Variants in JAK2 observed in about 807,000 individuals in gnomAD.
JAK2 encodes the protein tyrosine-protein kinase JAK2.
Under a neutral mutation model 139.3 loss-of-function variants are expected in JAK2, and 86 were observed. That is an observed-to-expected ratio of 0.62 (90% CI 0.52 to 0.74). The LOEUF (loss-of-function observed/expected upper bound fraction) is 0.74, where lower values mean the gene tolerates loss of function less well. Among genes scored for constraint, JAK2 ranks in the 30% least tolerant of loss-of-function variants. The pLI, the probability that JAK2 is intolerant of heterozygous loss-of-function variation, is 0.00. For missense variants in JAK2, 1,421 were observed against 1,360.3 expected (o/e 1.04, Z -0.70); for synonymous variants, 490 against 437.7 (o/e 1.12, Z -1.49).
At chr9:5,069,716 A>G (rs571844266) in intron 11 of JAK2, among the ~76,000 whole-genome samples, 30 of 152,266 alleles carry the variant, frequency 2.0e-4, no homozygotes, top group Admixed American at 1.8e-3. Context: ...TAAGGAAGTG[A>G]TTATAATTTT....
At chr9:5,032,232 G>C (rs1294878231) in intron 4 of JAK2, among the ~76,000 whole-genome samples, 3 of 152,256 alleles carry the variant, frequency 2.0e-5, no homozygotes, top group African/African-American at 4.8e-5. Context: ...GGGTTGAGTA[G>C]GTAAACAAAG....
At chr9:5,092,131 C>G (rs904579909) in intron 22 of JAK2, among the ~76,000 whole-genome samples, 1 of 152,054 alleles carries the variant, frequency 6.6e-6, no homozygotes, top group African/African-American at 2.4e-5. Context: ...AACGTTAGGT[C>G]AACGTGTAGC....
intron 23 of JAK2, among the ~76,000 whole-genome samples, chr9:5,123,639 T>C (rs189691403): frequency 6.6e-6 from 1 of 152,110 alleles, no homozygotes. Flanking sequence ...TTTGATACAG[T>C]GATTTCTTGT....
chr9:5,029,693 G>C, intron 3 of JAK2, 90 bp from the exon 4 acceptor site: 2 of 1,198,674 alleles, frequency 1.7e-6, no homozygotes. Context: ...TTTAAGAGTT[G>C]TTACTTTAGC....
chr9:5,123,651 C>T (rs1254548494), intron 23 of JAK2, among the ~76,000 whole-genome samples: 1 of 151,808 alleles, frequency 6.6e-6, no homozygotes. Context: ...ATTTCTTGTC[C>T]TTTAGGTAGA....
intron 2 of JAK2, among the ~76,000 whole-genome samples, chr9:5,010,301 T>G (rs1417381895): frequency 6.6e-6 from 1 of 152,178 alleles, no homozygotes; most frequent in Non-Finnish European, 1.5e-5. Flanking sequence ...ACACCGTTAT[T>G]ATTCATGCTT....
chr9:5,093,969 A>G (rs1048425364), intron 22 of JAK2, among the ~76,000 whole-genome samples: 6 of 152,154 alleles, frequency 3.9e-5, no homozygotes, highest in Admixed American at 3.9e-4. Flanking sequence ...CCCTCCCCCC[A>G]TAAATGATGC....
At chr9:5,050,633 A>T in intron 5 of JAK2, 53 bp from the exon 6 acceptor site, 1 of 1,522,440 alleles carries the variant, frequency 6.6e-7, no homozygotes, top group Non-Finnish European at 9.0e-7. Flanking sequence ...CATAGATTAA[A>T]ACATGATAAT....
chr9:5,067,916 G>C (rs1022388590), intron 10 of JAK2, among the ~76,000 whole-genome samples: 1 of 152,106 alleles, frequency 6.6e-6, no homozygotes, highest in African/African-American at 2.4e-5. Context: ...CACTTTAGGA[G>C]GCCAAGGCGG....
intron 22 of JAK2, among the ~76,000 whole-genome samples, chr9:5,117,702 T>C (rs960969584): frequency 7.9e-5 from 12 of 151,906 alleles, no homozygotes; most frequent in African/African-American, 2.7e-4. Context: ...TTATTAGCTT[T>C]AATATTTAAT....
intron 10 of JAK2, among the ~76,000 whole-genome samples, chr9:5,068,669 T>C (rs1818736793): frequency 6.6e-6 from 1 of 152,196 alleles, no homozygotes; most frequent in Non-Finnish European, 1.5e-5. Flanking sequence ...GAGCTGAGAT[T>C]GGAGATGGAG....
chr9:5,023,266 T>G (rs576991732), intron 3 of JAK2, among the ~76,000 whole-genome samples: 1 of 152,242 alleles, frequency 6.6e-6, no homozygotes, highest in African/African-American at 2.4e-5. Flanking sequence ...TATTTGTCTT[T>G]CAGTTCCTGG....
intron 3 of JAK2, among the ~76,000 whole-genome samples, chr9:5,024,908 C>G (rs1400710560): frequency 6.6e-6 from 1 of 152,206 alleles, no homozygotes; most frequent in Non-Finnish European, 1.5e-5. Context: ...GAGTTTCACA[C>G]TGGGAGCACC....
intron 22 of JAK2, among the ~76,000 whole-genome samples, chr9:5,105,473 A>C (rs990207893): frequency 1.3e-5 from 2 of 152,246 alleles, no homozygotes; most frequent in Non-Finnish European, 2.9e-5. Flanking sequence ...CAATATCGTG[A>C]AAATGGCGAT....
Position 5,021,943 on chromosome 9 carries a change from TTTA to T in JAK2, c.-25-17_-25-15del, listed in dbSNP as rs768247767. On this transcript the variant is annotated splice_polypyrimidine_tract_variant and intron_variant, in intron 2 of 24. Transcript: ENST00000381652. The stretch of plus-strand genomic sequence containing the variant: ...ACACTGCGCCCAGCCCATTTGTAAC[TTTA>T]TTGTTTTCTCTTACAGGCAAATGTT... 4.1e-6 allele frequency: 6 copies of T among 1,463,812 alleles called. No homozygotes were observed. The East Asian group carries it at 1.1e-4, about 28-fold the overall frequency. 90.7% of individuals were successfully genotyped at this position (1,463,812 alleles called of 1,614,324 possible).
At chr9:5,079,498 G>GA (rs1326542257) in intron 16 of JAK2, among the ~76,000 whole-genome samples, 3 of 145,918 alleles carry the variant, frequency 2.1e-5, no homozygotes, top group East Asian at 4.0e-4. Context: ...TGGTCCTTGG[G>GA]TTTTTTTTTT....
At chr9:5,042,753 C>T (rs1301522835) in intron 4 of JAK2, among the ~76,000 whole-genome samples, 3 of 152,188 alleles carry the variant, frequency 2.0e-5, no homozygotes, top group Admixed American at 1.3e-4. Context: ...GCATTGCTGC[C>T]AGGGGTGAGG....
intron 22 of JAK2, among the ~76,000 whole-genome samples, chr9:5,092,624 G>C (rs1046224594): frequency 8.5e-5 from 13 of 152,122 alleles, no homozygotes; most frequent in African/African-American, 3.1e-4. Context: ...ACTGAGCAAA[G>C]ACAAGCCCTT....
In JAK2 at chr9:5,125,964, TATTC is replaced by T. The variant is rs534408802; in HGVS notation, c.3178-361_3178-358del. Reference sequence around the variant, plus strand: ...AAGTTTTCTTTGTTGTATTTATGCTTATTCATTCATTTTTTCTTATATTCTCTTT... The same window carrying T: ...AAGTTTTCTTTGTTGTATTTATGCTTATTCATTTTTTCTTATATTCTCTTT... On this transcript the variant is annotated intron_variant, in intron 23 of 24. Coordinates refer to ENST00000381652, the MANE Select transcript of JAK2 (RefSeq NM_004972.4). 3.7e-4 allele frequency: 57 copies of T among 156,120 alleles called. 1 individual carries two copies. In the South Asian group the frequency reaches 4.3e-3, roughly 12 times the overall value. The allele number at this position is 156,120 out of a possible 1,614,324, so 9.7% of individuals were successfully genotyped here. A position where few individuals can be genotyped will look rare whatever the true frequency, so the allele number is the denominator to read the frequency against.
Sources: allele counts gnomAD v4.1 joint callset (sites outside exome capture counted in the v4.1 genomes callset), GRCh38; gene constraint gnomAD v4.1.1; transcripts MANE v1.5; gene names NCBI Gene and HGNC (gene_info 2026-07-23, HGNC 2026-07-21).